The following ZFHX3 variants were observed in gnomAD, a reference collection of about 807,000 sequenced individuals.
The protein encoded by ZFHX3 is zinc finger homeobox 3.
Under a neutral mutation model 279.1 loss-of-function variants are expected in ZFHX3, and 42 were observed. That is an observed-to-expected ratio of 0.15 (90% confidence interval 0.12 to 0.19). The LOEUF is 0.19. ZFHX3 is among the 10% of genes least tolerant of loss of function. The pLI is 1.00. For missense variants in ZFHX3, 4,981 were observed against 4,754.0 expected (o/e 1.05, Z -1.40); for synonymous variants, 2,293 against 1,957.8 (o/e 1.17, Z -4.52).
intron 1 of ZFHX3, among the ~76,000 whole-genome samples, chr16:73,685,308 G>T (rs763579737): frequency 6.6e-6 from 1 of 152,160 alleles, no homozygotes; most frequent in African/African-American, 2.4e-5. Flanking sequence ...GAGCCACCAC[G>T]CTCAGCCCAC....
intron 3 of ZFHX3, among the ~76,000 whole-genome samples, chr16:73,347,338 C>T (rs1399227730): frequency 3.9e-5 from 6 of 152,216 alleles, no homozygotes; most frequent in South Asian, 2.1e-4. Context: ...CTGGATGCCC[C>T]GTAACAGGTA....
intron 1 of ZFHX3, among the ~76,000 whole-genome samples, chr16:73,890,253 A>AC (rs201766490): frequency 6.5e-4 from 94 of 145,184 alleles, no homozygotes; most frequent in Non-Finnish European, 1.2e-3. Context: ...AAAAAAAAAA[A>AC]ACAACAAAAA....
chr16:73,140,628 G>A (rs1966845148), intron 6 of ZFHX3, among the ~76,000 whole-genome samples: 1 of 152,194 alleles, frequency 6.6e-6, no homozygotes. Flanking sequence ...GGCCGAGGTG[G>A]GTGGATCACT....
upstream of ZFHX3, among the ~76,000 whole-genome samples, chr16:73,053,020 G>T (rs144747917): frequency 2.0e-5 from 3 of 152,204 alleles, no homozygotes; most frequent in Non-Finnish European, 4.4e-5. Context: ...AGCGGCTCAG[G>T]GAACTTCCTA....
Position 73,726,972 on chromosome 16 carries a change from C to T in ZFHX3, c.-1607-46732G>A, listed in dbSNP as rs760339839. On this transcript the variant is annotated intron_variant, in intron 1 of 17. Coordinates refer to the ZFHX3 transcript ENST00000641206. ...AAAGTCTTCAGACATTGTCAACATTCCCTGGGGAGAGGGCAAAATCATTCC... is the reference window on the plus strand; with the variant it reads ...AAAGTCTTCAGACATTGTCAACATTTCCTGGGGAGAGGGCAAAATCATTCC... Among the ~76,000 whole-genome samples the T allele has an allele frequency of 6.2e-4, 94 of 152,296 alleles. 1 individual carries two copies. The highest frequency in any genetic ancestry group is 1.0e-3 in the Non-Finnish European group (70 of 68,024).
chr16:73,105,426 T>C (rs1420631501), intron 7 of ZFHX3, among the ~76,000 whole-genome samples: 1 of 114,752 alleles, frequency 8.7e-6, no homozygotes, highest in African/African-American at 4.4e-5. Context: ...CACATATATA[T>C]ATATATACAC....
At chr16:73,833,572 GGGA>G (rs2142360795) in intron 1 of ZFHX3, among the ~76,000 whole-genome samples, 1 of 151,948 alleles carries the variant, frequency 6.6e-6, no homozygotes, top group Non-Finnish European at 1.5e-5. Flanking sequence ...CACGGATACA[GGGA>G]GGAGAACATC....
intron 3 of ZFHX3, among the ~76,000 whole-genome samples, chr16:73,450,438 G>T (rs1396294181): frequency 6.6e-6 from 1 of 151,212 alleles, no homozygotes; most frequent in African/African-American, 2.4e-5. Context: ...TTTATGTAGC[G>T]GACATGTGTC....
rs116785729 is a variant in ZFHX3, at chr16:73,588,218, G to A, written c.-1547+91962C>T. Among the ~76,000 whole-genome samples, 637 of 152,214 alleles carry A rather than the reference G, an allele frequency of 4.2e-3. 5 individuals are homozygous for A. Among genetic ancestry groups the A allele is most frequent in the African/African-American group, 0.015 (619 of 41,544 alleles). On this transcript the variant is annotated intron_variant, in intron 2 of 17. Coordinates refer to the ZFHX3 transcript ENST00000641206. Reference sequence around the variant, plus strand: ...CTATATTAAAACTGACAATGAAAATGCTGAACTATATTTTAAAAGTTAAAG... The same window carrying A: ...CTATATTAAAACTGACAATGAAAATACTGAACTATATTTTAAAAGTTAAAG...
intron 2 of ZFHX3, among the ~76,000 whole-genome samples, chr16:73,639,857 G>T (rs1395214289): frequency 6.6e-6 from 1 of 152,024 alleles, no homozygotes; most frequent in Non-Finnish European, 1.5e-5. Context: ...AATCTTTAAG[G>T]AAAAAAAGCC....
intron 5 of ZFHX3, among the ~76,000 whole-genome samples, chr16:72,825,405 A>T (rs2036906552): frequency 6.6e-6 from 1 of 152,246 alleles, no homozygotes; most frequent in African/African-American, 2.4e-5. Context: ...TCCTTCTCTG[A>T]GAGATGGTAT....
chr16:73,517,463 C>T (rs900411015), intron 2 of ZFHX3, among the ~76,000 whole-genome samples: 1 of 152,200 alleles, frequency 6.6e-6, no homozygotes, highest in African/African-American at 2.4e-5. Flanking sequence ...CTTTCAAATG[C>T]CATCTCTAAC....
intron 3 of ZFHX3, among the ~76,000 whole-genome samples, chr16:72,938,731 C>A (rs1218576012): frequency 6.6e-6 from 1 of 152,168 alleles, no homozygotes; most frequent in Non-Finnish European, 1.5e-5. Context: ...GTGAAGAGAG[C>A]CGAGTATGGA....
At chr16:73,151,820 A>C (rs1419505675) in intron 5 of ZFHX3, among the ~76,000 whole-genome samples, 1 of 152,066 alleles carries the variant, frequency 6.6e-6, no homozygotes, top group Non-Finnish European at 1.5e-5. Context: ...GGGGCTACAC[A>C]AAGAAAAGTG....
At chr16:73,022,569 C>T (rs756815746) in intron 1 of ZFHX3, among the ~76,000 whole-genome samples, 8 of 152,096 alleles carry the variant, frequency 5.3e-5, no homozygotes, top group Non-Finnish European at 1.2e-4. Flanking sequence ...AGTGTGACAA[C>T]CAAGAATGTC....
At chr16:73,870,352 G>A (rs1192161553) in intron 1 of ZFHX3, among the ~76,000 whole-genome samples, 1 of 152,130 alleles carries the variant, frequency 6.6e-6, no homozygotes, top group Non-Finnish European at 1.5e-5. Context: ...GCCAATCCTG[G>A]GAATCACGAA....
chr16:73,017,114 C>A (rs561550526), intron 1 of ZFHX3, among the ~76,000 whole-genome samples: 41 of 151,690 alleles, frequency 2.7e-4, no homozygotes, highest in Non-Finnish European at 5.9e-5. Flanking sequence ...GTGGTTCCAG[C>A]TGCTTGGGGG....
At chr16:73,213,074 G>T (rs2012076747) in intron 5 of ZFHX3, among the ~76,000 whole-genome samples, 1 of 152,126 alleles carries the variant, frequency 6.6e-6, no homozygotes, top group Non-Finnish European at 1.5e-5. Context: ...TGTGACCTTT[G>T]TCCCTGAAGA....
chr16:73,377,612 C>T (rs1217842314), intron 3 of ZFHX3, among the ~76,000 whole-genome samples: 3 of 152,196 alleles, frequency 2.0e-5, no homozygotes, highest in Middle Eastern at 3.4e-3. Context: ...GGTACTCAGC[C>T]GTATGAACAT....
Sources: allele counts gnomAD v4.1 joint callset (sites outside exome capture counted in the v4.1 genomes callset), GRCh38; gene constraint gnomAD v4.1.1; transcripts MANE v1.5; gene names NCBI Gene and HGNC (gene_info 2026-07-23, HGNC 2026-07-21).